The following CAPN3 variants were observed in gnomAD, a reference collection of about 807,000 sequenced individuals.
The protein encoded by CAPN3 is calpain 3.
CAPN3 carries 88 observed loss-of-function variants against 114.0 expected under a neutral mutation model. The ratio of observed to expected loss-of-function variants is 0.77; its 90% confidence interval spans 0.65 to 0.92. CAPN3 has a LOEUF of 0.92. Among genes scored for constraint, CAPN3 ranks in the 40% least tolerant of loss-of-function variants. The pLI is 0.00. For missense variants in CAPN3, 1,028 were observed against 1,069.0 expected, an observed-to-expected ratio of 0.96 and a Z score of 0.53; for synonymous variants, 386 against 382.9, an observed-to-expected ratio of 1.01 and a Z score of -0.09.
chr15:42,370,954 G>A (rs543656851), intron 1 of CAPN3, among the ~76,000 whole-genome samples: 74 of 152,248 alleles, frequency 4.9e-4, no homozygotes, highest in African/African-American at 1.7e-3. Flanking sequence ...CAGCTCCACC[G>A]ATTAACGATG....
intron 16 of CAPN3, 24 bp downstream of exon 16, chr15:42,408,348 G>A (rs762472642): frequency 1.4e-6 from 2 of 1,476,744 alleles, no homozygotes; most frequent in African/African-American, 1.4e-5. Flanking sequence ...TGGCATGGGT[G>A]GGGTGGCCAG....
rs1266596067 is a variant in CAPN3, at chr15:42,408,196, C to T, written c.1801-15C>T. The T allele has an allele frequency of 6.3e-7, 1 of 1,576,450 alleles. No individual in the cohort carries two copies. Among genetic ancestry groups the T allele is most frequent in the South Asian group, 1.1e-5 (1 of 90,190 alleles). ...AATCCTCCCTTCCTTCCTGCCTCCT[C>T]CCTCCTCTCTCCAGCCCATCATCTT... On this transcript the variant is annotated splice_polypyrimidine_tract_variant and intron_variant, in intron 15 of 23. Transcript: ENST00000397163.
At chr15:42,387,338 C>T (rs2141163623) in intron 3 of CAPN3, among the ~76,000 whole-genome samples, 1 of 152,340 alleles carries the variant, frequency 6.6e-6, no homozygotes, top group Non-Finnish European at 1.5e-5. Context: ...TCAAGAAATA[C>T]CTAAATCAGC....
Position 42,410,315 on chromosome 15 carries a change from G to A in CAPN3, c.2116-113G>A, listed in dbSNP as rs1282627187. The A allele has an allele frequency of 4.1e-6, 4 of 972,490 alleles. No individual in the cohort carries two copies. In the East Asian group the frequency reaches 7.1e-5, roughly 17 times the overall value. 60.2% of individuals were successfully genotyped at this position (972,490 alleles called of 1,614,324 possible). ...GACTGGTGGTGGAGTGGAGGGGAGG[G>A]TTAAATAGTACAACAGGGCAGTGGG... On this transcript the variant is annotated intron_variant, in intron 19 of 23. Transcript: ENST00000397163.
chr15:42,389,154 C>T (rs2053488115), intron 5 of CAPN3, 58 bp downstream of exon 5: 2 of 1,530,348 alleles, frequency 1.3e-6, no homozygotes, highest in Admixed American at 1.7e-5. Flanking sequence ...AAGCCTTTTA[C>T]CCAATGAAGG....
chr15:42,381,695 A>G (rs550529174), intron 1 of CAPN3, among the ~76,000 whole-genome samples: 1 of 152,176 alleles, frequency 6.6e-6, no homozygotes, highest in Non-Finnish European at 1.5e-5. Flanking sequence ...ATGAGCCACC[A>G]TGCCTGGCTA....
At chr15:42,385,264 G>T (rs895838797) in intron 2 of CAPN3, among the ~76,000 whole-genome samples, 2 of 152,140 alleles carry the variant, frequency 1.3e-5, no homozygotes, top group African/African-American at 4.8e-5. Context: ...AGAAGGGGAG[G>T]CTGAGAATAA....
chr15:42,365,864 G>A lies in CAPN3; in HGVS notation c.309+5750G>A, dbSNP rs775208914. ...ACACCTCTTTCCCAGACAGACGGCA[G>A]CAGCCTCTTAGTCCTCTGAATAGAT... On this transcript the variant is annotated intron_variant, in intron 1 of 23. Transcript: ENST00000397163. 3.9e-5 allele frequency among the ~76,000 whole-genome samples: 6 copies of A among 152,196 alleles called. No homozygotes were observed. In the South Asian group the frequency reaches 8.3e-4, roughly 21 times the overall value.
At chr15:42,365,568 TG>T (rs891721607) in intron 1 of CAPN3, among the ~76,000 whole-genome samples, 10 of 151,986 alleles carry the variant, frequency 6.6e-5, no homozygotes, top group African/African-American at 2.2e-4. Flanking sequence ...GCTCCAGCTA[TG>T]GGTCTTTTCC....
Position 42,408,298 on chromosome 15 carries a change from C to T in CAPN3, c.1888C>T (p.Pro630Ser). The T allele has an allele frequency of 6.2e-7, 1 of 1,613,514 alleles. No homozygotes were observed. Residue 630 changes from proline (P) to serine (S), a missense_variant, in exon 16 of 24, where the codon CCT becomes TCT. Transcript: ENST00000397163. ...AGAGGAGGGCAAAGGCAAAACAAGC[C>T]CTGATAAGCAAAAGCAGTCCCCACA... ...ESEEGKGKTS[P>S]DKQKQSPQPQ...
chr15:42,411,620 G>A (rs1163215351), intron 23 of CAPN3, 127 bp from the exon 24 acceptor site: 6 of 766,736 alleles, frequency 7.8e-6, no homozygotes, highest in Non-Finnish European at 7.1e-6. Flanking sequence ...CTGCTTCTTG[G>A]AAAATCTTCT....
rs28364430 is a variant in CAPN3, at chr15:42,390,689, C to G, written c.945+593C>G. Among the ~76,000 whole-genome samples the G allele has an allele frequency of 7.8e-4, 118 of 151,400 alleles. 1 individual carries two copies. In the Middle Eastern group the frequency reaches 0.017, roughly 22 times the overall value. On this transcript the variant is annotated intron_variant, in intron 6 of 23. Transcript: ENST00000397163. ...TAGTATATGTTCTTCCAGGATTTTT[C>G]TATGCACACACTGAATCTGTATTTT... is the stretch of plus-strand genomic sequence containing the variant.
intron 12 of CAPN3, 99 bp downstream of exon 12, chr15:42,402,234 G>A (rs2053893715): frequency 1.2e-6 from 2 of 1,605,672 alleles, no homozygotes; most frequent in South Asian, 2.2e-5. Context: ...GGGGTTTGTG[G>A]GCAGGACTGT....
intron 14 of CAPN3, chr15:42,404,768 A>G (rs2053972218): frequency 8.9e-7 from 1 of 1,124,196 alleles, no homozygotes; most frequent in African/African-American, 1.6e-5. Flanking sequence ...CTGGGCAGTG[A>G]CAGTCATGGT....
At chr15:42,408,500 T>C in intron 16 of CAPN3, 176 bp downstream of exon 16, 1 of 612,830 alleles carries the variant, frequency 1.6e-6, no homozygotes, top group Non-Finnish European at 3.1e-6. Context: ...GGCTGCTGCT[T>C]GGGTGAATAT....
chr15:42,361,989 G>A (rs1566966758), intron 1 of CAPN3, among the ~76,000 whole-genome samples: 1 of 152,168 alleles, frequency 6.6e-6, no homozygotes, highest in Non-Finnish European at 1.5e-5. Context: ...TCATCTTTGA[G>A]GCCCCCTCAC....
chr15:42,410,727 G>A, intron 21 of CAPN3, 61 bp downstream of exon 21: 1 of 1,454,422 alleles, frequency 6.9e-7, no homozygotes, highest in Admixed American at 1.7e-5. Context: ...AGGAATGGGA[G>A]GGGACTAGGC....
chr15:42,406,448 C>G (rs1363317936), intron 15 of CAPN3, among the ~76,000 whole-genome samples: 1 of 152,150 alleles, frequency 6.6e-6, no homozygotes, highest in Non-Finnish European at 1.5e-5. Flanking sequence ...CAGACCAGAG[C>G]TGACACTCCT....
chr15:42,410,294 G>A (rs558301638), intron 19 of CAPN3, 134 bp from the exon 20 acceptor site: 2 of 870,614 alleles, frequency 2.3e-6, no homozygotes, highest in East Asian at 2.4e-5. Flanking sequence ...ATCTCTGACT[G>A]GTGGTGGAGT....
Sources: allele counts gnomAD v4.1 joint callset (sites outside exome capture counted in the v4.1 genomes callset), GRCh38; gene constraint gnomAD v4.1.1; transcripts MANE v1.5; gene names NCBI Gene and HGNC (gene_info 2026-07-23, HGNC 2026-07-21).